Variants in LGSN observed in about 807,000 individuals in gnomAD.
LGSN encodes the protein lengsin, lens protein with glutamine synthetase domain.
A neutral mutation model predicts 19.5 loss-of-function variants in LGSN; 21 were observed. The observed-to-expected ratio is 1.07, with a 90% CI of 0.76 to 1.55. LGSN has a LOEUF of 1.55. Among genes scored for constraint, LGSN ranks in the 40% most tolerant of loss-of-function variants. LGSN has a pLI of 0.00. For missense variants in LGSN, 673 were observed against 608.5 expected, an observed-to-expected ratio of 1.11 and a Z score of -1.12; for synonymous variants, 257 against 215.6, an observed-to-expected ratio of 1.19 and a Z score of -1.68.
At chr6:63,533,953 C>G in the LGSN span, among the ~76,000 whole-genome samples, 1 of 151,924 alleles carries the variant, frequency 6.6e-6, no homozygotes, top group Non-Finnish European at 1.5e-5. Flanking sequence ...AAGTGATTCT[C>G]GTGCCTCAGC....
the LGSN span, among the ~76,000 whole-genome samples, chr6:63,485,919 G>A: frequency 6.6e-6 from 1 of 151,896 alleles, no homozygotes; most frequent in African/African-American, 2.4e-5. Context: ...TAGTAGAGAT[G>A]GGATTTCACC....
At chr6:63,332,609 T>C in the LGSN span, among the ~76,000 whole-genome samples, 3 of 152,170 alleles carry the variant, frequency 2.0e-5, no homozygotes, top group Non-Finnish European at 4.4e-5. Context: ...CTGGAAAGCC[T>C]GACACCCATG....
the LGSN span, among the ~76,000 whole-genome samples, chr6:63,453,740 G>A: frequency 2.0e-5 from 3 of 152,054 alleles, no homozygotes; most frequent in East Asian, 1.9e-4. Context: ...TGCAAGCTCC[G>A]CCTCCCGGGT....
chr6:63,432,515 C>A, the LGSN span, among the ~76,000 whole-genome samples: 2 of 151,844 alleles, frequency 1.3e-5, no homozygotes, highest in African/African-American at 4.8e-5. Flanking sequence ...CATAGTGAAA[C>A]CCCGACTCTA....
chr6:63,398,007 G>A, the LGSN span, among the ~76,000 whole-genome samples: 1 of 152,016 alleles, frequency 6.6e-6, no homozygotes, highest in African/African-American at 2.4e-5. Flanking sequence ...TATCATAGCT[G>A]TCATAATGTT....
At chr6:63,345,748 G>A in the LGSN span, among the ~76,000 whole-genome samples, 2 of 152,124 alleles carry the variant, frequency 1.3e-5, no homozygotes, top group Admixed American at 1.3e-4. Flanking sequence ...GAAAGATTAG[G>A]AAGTATTGTC....
the LGSN span, among the ~76,000 whole-genome samples, chr6:63,338,106 A>G: frequency 3.0e-3 from 449 of 152,138 alleles, 3 homozygotes; most frequent in African/African-American, 0.01. Flanking sequence ...GGCTGCTCTC[A>G]AACTCCTGAG....
the LGSN span, among the ~76,000 whole-genome samples, chr6:63,523,375 A>T: frequency 9.9e-5 from 15 of 152,020 alleles, no homozygotes; most frequent in African/African-American, 3.6e-4. Flanking sequence ...TCTACTAGAA[A>T]ACACAAAAAT....
intron 1 of LGSN, among the ~76,000 whole-genome samples, chr6:63,301,441 G>C (rs1265746777): frequency 1.3e-5 from 2 of 151,664 alleles, no homozygotes; most frequent in African/African-American, 4.8e-5. Flanking sequence ...CTTTCAAAAT[G>C]AAAAAATTAT....
the LGSN span, among the ~76,000 whole-genome samples, chr6:63,544,927 C>T: frequency 6.6e-6 from 1 of 152,140 alleles, no homozygotes; most frequent in Non-Finnish European, 1.5e-5. Flanking sequence ...CGAAGAGATA[C>T]TTTAAAGTTA....
At chr6:63,305,938 G>A (rs887087828) in intron 1 of LGSN, among the ~76,000 whole-genome samples, 5 of 151,962 alleles carry the variant, frequency 3.3e-5, no homozygotes, top group African/African-American at 9.7e-5. Flanking sequence ...GGCTAATTTG[G>A]TGTCTGTAGT....
At chr6:63,289,374 G>A (rs982145323) in intron 2 of LGSN, among the ~76,000 whole-genome samples, 4 of 151,942 alleles carry the variant, frequency 2.6e-5, no homozygotes, top group Non-Finnish European at 4.4e-5. Flanking sequence ...CATCATTGTC[G>A]GAATTTATTT....
chr6:63,404,006 C>T, the LGSN span, among the ~76,000 whole-genome samples: 4 of 151,964 alleles, frequency 2.6e-5, no homozygotes, highest in East Asian at 1.9e-4. Flanking sequence ...AGAAGCAAGC[C>T]GCCATGAGTC....
chr6:63,404,059 G>C, the LGSN span, among the ~76,000 whole-genome samples: 1 of 151,980 alleles, frequency 6.6e-6, no homozygotes. Flanking sequence ...ACTCAATAGA[G>C]CCTGGAGGAA....
the LGSN span, among the ~76,000 whole-genome samples, chr6:63,467,400 C>G: frequency 6.4e-4 from 98 of 152,218 alleles, no homozygotes; most frequent in African/African-American, 2.3e-3. Context: ...AAAACACAAT[C>G]AGTGTATTTG....
At chr6:63,450,821 C>T in the LGSN span, among the ~76,000 whole-genome samples, 71 of 151,756 alleles carry the variant, frequency 4.7e-4, 1 homozygote, top group African/African-American at 1.4e-3. Flanking sequence ...TGCAGGTGCA[C>T]GCCATCACAC....
At chr6:63,431,168 C>G in the LGSN span, among the ~76,000 whole-genome samples, 1 of 152,170 alleles carries the variant, frequency 6.6e-6, no homozygotes, top group African/African-American at 2.4e-5. Flanking sequence ...TTTACAGATT[C>G]ATAATCAGAA....
chr6:63,451,850 T>G, the LGSN span, among the ~76,000 whole-genome samples: 2 of 152,228 alleles, frequency 1.3e-5, no homozygotes, highest in East Asian at 1.9e-4. Context: ...TCTGTTGATG[T>G]GTATTATTTT....
chr6:63,459,577 T>TCCC, the LGSN span, among the ~76,000 whole-genome samples: 2 of 152,010 alleles, frequency 1.3e-5, no homozygotes, highest in African/African-American at 4.8e-5. Flanking sequence ...ACAAATCTAT[T>TCCC]CATTCTTTCA....
Sources: gnomAD v4.1 joint callset for allele counts (sites outside exome capture counted in the v4.1 genomes callset) on GRCh38, gnomAD v4.1.1 for gene constraint, MANE v1.5 for transcripts, NCBI Gene and HGNC (gene_info 2026-07-23, HGNC 2026-07-21) for gene names.